The following FER variants were observed in gnomAD, a reference collection of about 807,000 sequenced individuals.
FER encodes tyrosine-protein kinase Fer.
Under a neutral mutation model 111.0 loss-of-function variants are expected in FER, and 63 were observed. The ratio of observed to expected loss-of-function variants is 0.57; its 90% CI spans 0.46 to 0.70. The LOEUF (loss-of-function observed/expected upper bound fraction) is 0.70. Among genes scored for constraint, FER ranks in the 30% least tolerant of loss-of-function variants. FER has a pLI of 0.00. For missense variants in FER, 914 were observed against 954.0 expected (o/e 0.96, Z 0.55); for synonymous variants, 327 against 313.9 (o/e 1.04, Z -0.44).
rs974872833 is a variant in FER, at chr5:108,909,572, T to A, written c.1236+11724T>A. Among the ~76,000 whole-genome samples the A allele has an allele frequency of 4.6e-5, 7 of 152,150 alleles. No homozygotes were observed. In the East Asian group the frequency reaches 1.3e-3, roughly 29 times the overall value. ...TCTATATTTAACTATATGGTATATGTTGTCAGAGGACTGTAAGAAGAATAT... is the reference window on the plus strand; with the variant it reads ...TCTATATTTAACTATATGGTATATGATGTCAGAGGACTGTAAGAAGAATAT... On this transcript the variant is annotated intron_variant, in intron 10 of 19. Coordinates refer to ENST00000281092, the MANE Select transcript of FER (RefSeq NM_005246.4).
At position 108,844,059 on chromosome 5, in the gene FER, CAT is replaced by C. The variant is rs141276748; in HGVS notation, c.481+8259_481+8260del. Among the ~76,000 whole-genome samples the C allele has an allele frequency of 5.6e-3, 506 of 90,368 alleles. 5 individuals carry two copies. The highest frequency in any genetic ancestry group is 8.6e-3 in the African/African-American group (175 of 20,434). 59.3% of individuals were successfully genotyped at this position (90,368 alleles called of 152,430 possible). On this transcript the variant is annotated intron_variant, in intron 5 of 19. Coordinates refer to ENST00000281092, the MANE Select transcript of FER (RefSeq NM_005246.4). Reference sequence around the variant, plus strand: ...GTGTGAACATATATATGTGTGTGAACATATATATGTGTGTGAACATATATGCG... The same window carrying C: ...GTGTGAACATATATATGTGTGTGAACATATATGTGTGTGAACATATATGCG...
chr5:108,891,489 T>C (rs1748041818), intron 9 of FER: 1 of 152,018 alleles, frequency 6.6e-6, no homozygotes, highest in African/African-American at 2.4e-5. Context: ...CAGTTATAGA[T>C]TGAACTCCTC....
intron 1 of FER, among the ~76,000 whole-genome samples, chr5:108,761,149 C>T (rs145796195): frequency 1.5e-3 from 231 of 152,178 alleles, no homozygotes; most frequent in African/African-American, 4.4e-3. Flanking sequence ...AGGCTGGTCT[C>T]GAACCCCTGG....
chr5:109,141,396 T>C (rs1418135782), intron 17 of FER, among the ~76,000 whole-genome samples: 2 of 152,190 alleles, frequency 1.3e-5, no homozygotes, highest in Non-Finnish European at 2.9e-5. Context: ...TTCACTAAAC[T>C]GAAAAGCCAC....
intron 3 of FER, among the ~76,000 whole-genome samples, chr5:108,808,491 A>AT (rs112043812): frequency 0.23 from 34,611 of 151,654 alleles, 4,123 homozygotes; most frequent in African/African-American, 0.28. Context: ...GGGTGTCAAC[A>AT]TGTAAGAATG....
intron 5 of FER, among the ~76,000 whole-genome samples, chr5:108,840,085 CCTT>C: frequency 6.6e-6 from 1 of 152,256 alleles, no homozygotes; most frequent in East Asian, 1.9e-4. Flanking sequence ...CAAGTATTAA[CCTT>C]CTGCCACATT....
intron 14 of FER, among the ~76,000 whole-genome samples, chr5:109,043,436 A>G (rs1374851105): frequency 6.6e-6 from 1 of 152,224 alleles, no homozygotes; most frequent in Non-Finnish European, 1.5e-5. Context: ...TCATTGTTTT[A>G]TAAATATTTG....
Position 108,844,070 on chromosome 5 carries a change from G to A in FER, c.481+8263G>A, listed in dbSNP as rs1761576741. Among the ~76,000 whole-genome samples the A allele has an allele frequency of 2.0e-5, 3 of 151,256 alleles. No individual in the cohort carries two copies. In the South Asian group the frequency reaches 6.3e-4, roughly 32 times the overall value. On this transcript the variant is annotated intron_variant, in intron 5 of 19. Coordinates refer to ENST00000281092, the MANE Select transcript of FER (RefSeq NM_005246.4). ...TATATGTGTGTGAACATATATATGT[G>A]TGTGAACATATATGCGTGTGAACAT...
At chr5:109,128,831 A>T (rs1180049734) in intron 17 of FER, among the ~76,000 whole-genome samples, 1 of 152,116 alleles carries the variant, frequency 6.6e-6, no homozygotes, top group Non-Finnish European at 1.5e-5. Context: ...AAATGATTCT[A>T]AAGTGTGTCT....
chr5:108,820,010 A>G, intron 3 of FER: 2 of 985,358 alleles, frequency 2.0e-6, no homozygotes, highest in South Asian at 4.7e-5. Context: ...ATAGAAAATA[A>G]CAGAACGGCT....
chr5:108,871,112 C>T (rs1764555060), intron 6 of FER, among the ~76,000 whole-genome samples: 1 of 152,050 alleles, frequency 6.6e-6, no homozygotes, highest in Non-Finnish European at 1.5e-5. Flanking sequence ...ATATCAAATA[C>T]ATTTTTGAAA....
At position 109,187,680 on chromosome 5, in the gene FER, T is replaced by A; in HGVS notation, c.*105T>A. 7.5e-7 allele frequency: 1 copy of A among 1,326,672 alleles called. No homozygotes were observed. The highest frequency in any genetic ancestry group is 1.0e-6 in the Non-Finnish European group (1 of 966,568). The allele number at this position is 1,326,672 out of a possible 1,614,324, so 82.2% of individuals were successfully genotyped here. On this transcript the variant is annotated 3_prime_UTR_variant, in exon 20 of 20. Transcript: ENST00000281092. ...TTATACCACATTACCTTCGACAGTC[T>A]TCTACCATTATTTTTTATTAACTGG...
intron 10 of FER, among the ~76,000 whole-genome samples, chr5:108,898,996 T>C (rs780707030): frequency 9.2e-5 from 14 of 151,698 alleles, no homozygotes; most frequent in Non-Finnish European, 1.6e-4. Context: ...AGAACTATTA[T>C]AGTTATGCTA....
intron 13 of FER, among the ~76,000 whole-genome samples, chr5:109,011,956 G>A (rs1297930733): frequency 6.6e-6 from 1 of 152,152 alleles, no homozygotes; most frequent in Non-Finnish European, 1.5e-5. Context: ...TGCTCATGCT[G>A]TTTTCTTTAC....
rs548867206 is a variant in FER, at chr5:108,886,713, A to G, written c.1046+3195A>G. Among the ~76,000 whole-genome samples the G allele has an allele frequency of 4.0e-5, 6 of 151,790 alleles. No individual in the cohort carries two copies. In the South Asian group the frequency reaches 1.2e-3, roughly 31 times the overall value. On this transcript the variant is annotated intron_variant, in intron 9 of 19. Coordinates refer to ENST00000281092, the MANE Select transcript of FER (RefSeq NM_005246.4). ...TAAGTTAGCAGGGGTAAGTATGCCA[A>G]GCTTTTCAGGGGATGAGACCTGTTT...
chr5:108,814,955 G>T (rs1561459484), intron 3 of FER, among the ~76,000 whole-genome samples: 1 of 151,970 alleles, frequency 6.6e-6, no homozygotes, highest in African/African-American at 2.4e-5. Context: ...CAACTACCTG[G>T]TTTCTATTTT....
chr5:108,875,293 A>G (rs1417844688), intron 8 of FER, among the ~76,000 whole-genome samples: 1 of 152,062 alleles, frequency 6.6e-6, no homozygotes, highest in African/African-American at 2.4e-5. Flanking sequence ...TCACACATGC[A>G]TTTATGCTAC....
At chr5:109,032,694 A>G (rs1188904240) in intron 13 of FER, among the ~76,000 whole-genome samples, 3 of 152,204 alleles carry the variant, frequency 2.0e-5, no homozygotes, top group Admixed American at 2.0e-4. Flanking sequence ...TGCTTAGGCA[A>G]TTAGAAGGTA....
chr5:109,096,719 T>C (rs1240917138), intron 16 of FER, among the ~76,000 whole-genome samples: 1 of 151,886 alleles, frequency 6.6e-6, no homozygotes, highest in Non-Finnish European at 1.5e-5. Context: ...AGAGATTTCA[T>C]TGATTGGGCT....
Sources: gnomAD v4.1 joint callset for allele counts (sites outside exome capture counted in the v4.1 genomes callset) on GRCh38, gnomAD v4.1.1 for gene constraint, MANE v1.5 for transcripts, NCBI Gene and HGNC (gene_info 2026-07-23, HGNC 2026-07-21) for gene names.